NTM: variants seen among roughly 807,000 people sequenced by gnomAD.
The protein encoded by NTM is neurotrimin, also known as IgLON family member 2.
NTM carries 13 observed loss-of-function variants against 42.1 expected under a neutral mutation model. The ratio of observed to expected loss-of-function variants is 0.31; its 90% CI spans 0.20 to 0.49. NTM has a LOEUF of 0.49. NTM is among the 20% of genes least tolerant of loss of function. The pLI is 0.99. For synonymous variants in NTM, 187 were observed against 179.2 expected (o/e 1.04, Z -0.35); for missense variants, 373 against 452.8 (o/e 0.82, Z 1.60).
At chr11:132,091,720 A>G (rs2060398896) in intron 2 of NTM, among the ~76,000 whole-genome samples, 1 of 152,020 alleles carries the variant, frequency 6.6e-6, no homozygotes, top group Non-Finnish European at 1.5e-5. Flanking sequence ...GGGCTCAAGC[A>G]GTCCTCCTGC....
intron 1 of NTM, among the ~76,000 whole-genome samples, chr11:131,418,807 C>T (rs1244993460): frequency 6.6e-6 from 1 of 152,176 alleles, no homozygotes; most frequent in South Asian, 2.1e-4. Flanking sequence ...AAGGTTTTGT[C>T]TGTCAGCTGA....
chr11:132,116,269 T>C (rs1462818731), intron 2 of NTM, among the ~76,000 whole-genome samples: 1 of 152,134 alleles, frequency 6.6e-6, no homozygotes, highest in Non-Finnish European at 1.5e-5. Context: ...AAACTGCTTT[T>C]AAGTAGGGGC....
At chr11:131,881,266 A>G (rs540217470) in intron 1 of NTM, among the ~76,000 whole-genome samples, 1 of 152,294 alleles carries the variant, frequency 6.6e-6, no homozygotes, top group South Asian at 2.1e-4. Context: ...CAATAAGGAC[A>G]TAGGCAAATA....
At chr11:131,495,692 C>T (rs1955268197) in intron 1 of NTM, among the ~76,000 whole-genome samples, 1 of 152,190 alleles carries the variant, frequency 6.6e-6, no homozygotes, top group Non-Finnish European at 1.5e-5. Context: ...TGCTCAGGGC[C>T]TCCAAGGCCC....
At chr11:131,776,318 C>T (rs2086966019) in intron 1 of NTM, among the ~76,000 whole-genome samples, 1 of 152,194 alleles carries the variant, frequency 6.6e-6, no homozygotes, top group South Asian at 2.1e-4. Flanking sequence ...TGCAAACCAG[C>T]TAATTTTATC....
At position 132,146,665 on chromosome 11, in the gene NTM, T is replaced by A; in HGVS notation, c.400+151T>A. On this transcript the variant is annotated intron_variant, in intron 3 of 8. Transcript: ENST00000683400. The surrounding 1 kb of genome is among the most constrained non-coding windows in gnomAD (Gnocchi z 4.5). ...ACATTTCTGGTTGTCATTTTGCAGT[T>A]AGAAGCTAAATTTTCCAGTCATTTT... 2.8e-6 allele frequency: 2 copies of A among 719,612 alleles called. No individual in the cohort carries two copies. Among genetic ancestry groups the A allele is most frequent in the Non-Finnish European group, 4.3e-6 (2 of 467,214 alleles). The allele number at this position is 719,612 out of a possible 1,614,324, so 44.6% of individuals were successfully genotyped here. A position where few individuals can be genotyped will look rare whatever the true frequency, so the allele number is the denominator to read the frequency against.
chr11:131,851,988 G>T (rs2045605880), intron 1 of NTM, among the ~76,000 whole-genome samples: 1 of 152,132 alleles, frequency 6.6e-6, no homozygotes, highest in South Asian at 2.1e-4. Flanking sequence ...GGTCTGGGGT[G>T]CTTGCCATGT....
At chr11:131,639,828 C>G (rs564288093) in intron 1 of NTM, among the ~76,000 whole-genome samples, 1 of 151,878 alleles carries the variant, frequency 6.6e-6, no homozygotes, top group African/African-American at 2.4e-5. Context: ...TGGTGGCGGG[C>G]GCCTGTAGTC....
chr11:131,584,525 CGCTGGGTCCCATTA>C (rs988005524), intron 1 of NTM, among the ~76,000 whole-genome samples: 3 of 152,114 alleles, frequency 2.0e-5, no homozygotes, highest in Non-Finnish European at 4.4e-5. Context: ...GAGAATAAAA[CGCTGGGTCCCATTA>C]GTAGTCAACA....
At chr11:131,947,534 A>G (rs1342864798) in intron 2 of NTM, among the ~76,000 whole-genome samples, 1 of 152,218 alleles carries the variant, frequency 6.6e-6, no homozygotes, top group Non-Finnish European at 1.5e-5. Context: ...AGAAGGAAGA[A>G]AGGAAGGCAG....
At chr11:131,391,658 A>AG (rs1445439937) in intron 1 of NTM, among the ~76,000 whole-genome samples, 59 of 149,514 alleles carry the variant, frequency 3.9e-4, no homozygotes, top group African/African-American at 1.4e-3. Context: ...AAAAAAAAAA[A>AG]AAAAAGAAAA....
intron 2 of NTM, among the ~76,000 whole-genome samples, chr11:131,920,626 G>T (rs1187021638): frequency 6.6e-6 from 1 of 151,978 alleles, no homozygotes; most frequent in African/African-American, 2.4e-5. Flanking sequence ...GTTTTATTTG[G>T]GTGTATTTGG....
chr11:132,174,549 C>G (rs1207720652), intron 3 of NTM, among the ~76,000 whole-genome samples: 1 of 152,202 alleles, frequency 6.6e-6, no homozygotes, highest in Non-Finnish European at 1.5e-5. Flanking sequence ...TGTGTCGCCT[C>G]TTTCTCCCTC....
At chr11:131,811,889 C>T (rs1304810165) in intron 1 of NTM, among the ~76,000 whole-genome samples, 1 of 152,200 alleles carries the variant, frequency 6.6e-6, no homozygotes, top group Admixed American at 6.5e-5. Context: ...TTTCACCTTT[C>T]AGACCTGAGA....
intron 1 of NTM, among the ~76,000 whole-genome samples, chr11:131,681,432 T>C (rs2072813831): frequency 9.8e-5 from 1 of 10,202 alleles, no homozygotes; most frequent in African/African-American, 2.9e-4. Context: ...TGTGTGTTTC[T>C]GTGTCTGTAT....
At chr11:131,549,976 C>A (rs1319684186) in intron 1 of NTM, among the ~76,000 whole-genome samples, 1 of 152,156 alleles carries the variant, frequency 6.6e-6, no homozygotes, top group Non-Finnish European at 1.5e-5. Flanking sequence ...ATTTCACGTC[C>A]TGCAGGGCGG....
At position 131,916,776 on chromosome 11, in the gene NTM, G is replaced by A. The variant is rs187476627; in HGVS notation, c.167+5128G>A. Among the ~76,000 whole-genome samples the A allele has an allele frequency of 3.1e-4, 47 of 152,284 alleles. No homozygotes were observed. The East Asian group carries it at 9.1e-3, about 29-fold the overall frequency. ...GCACATGGCTTGGCCTGTGGAATTT[G>A]CCAATAAAATCCGAAGGACTCTCAT... On this transcript the variant is annotated intron_variant, in intron 2 of 8. Transcript: ENST00000683400.
chr11:132,149,421 T>C (rs376532394), intron 3 of NTM, among the ~76,000 whole-genome samples: 1 of 151,962 alleles, frequency 6.6e-6, no homozygotes, highest in African/African-American at 2.4e-5. Context: ...AAAAAAGAAA[T>C]AAAAACAGCA....
intron 2 of NTM, among the ~76,000 whole-genome samples, chr11:132,082,246 C>T (rs570256507): frequency 2.4e-4 from 36 of 152,002 alleles, no homozygotes; most frequent in Middle Eastern, 3.4e-3. Flanking sequence ...ATTAGGCACA[C>T]GGACACATTG....
Sources: gnomAD v4.1 joint callset for allele counts (sites outside exome capture counted in the v4.1 genomes callset) on GRCh38, gnomAD v4.1.1 for gene constraint, Gnocchi (gnomAD v3.1) non-coding constraint, MANE v1.5 for transcripts, NCBI Gene and HGNC (gene_info 2026-07-23, HGNC 2026-07-21) for gene names.